SKAP2: variants seen among roughly 807,000 people sequenced by gnomAD.
The protein encoded by SKAP2 is src kinase associated phosphoprotein 2.
In SKAP2, 28 loss-of-function variants were observed where a neutral mutation model predicts 54.9. The observed-to-expected ratio is 0.51, with a 90% CI of 0.38 to 0.70. The LOEUF (loss-of-function observed/expected upper bound fraction) is 0.70, where lower values mean the gene tolerates loss of function less well. Ranked by LOEUF, SKAP2 falls within the 30% of genes least tolerant of loss-of-function variation. SKAP2 has a pLI of 0.00. For synonymous variants in SKAP2, 137 were observed against 134.3 expected (o/e 1.02, Z -0.14); for missense variants, 356 against 424.1 (o/e 0.84, Z 1.41).
chr7:26,780,041 C>T (rs1035236645), intron 4 of SKAP2, among the ~76,000 whole-genome samples: 4 of 151,986 alleles, frequency 2.6e-5, no homozygotes, highest in African/African-American at 4.8e-5. Context: ...ATAGAAAGTA[C>T]TTGTAAGGTA....
At chr7:26,676,613 A>G (rs1385922728) in intron 11 of SKAP2, among the ~76,000 whole-genome samples, 1 of 152,176 alleles carries the variant, frequency 6.6e-6, no homozygotes, top group African/African-American at 2.4e-5. Flanking sequence ...AGTCAGGATT[A>G]TTTCCTGTTG....
intron 4 of SKAP2, among the ~76,000 whole-genome samples, chr7:26,785,837 T>C (rs1463959102): frequency 3.3e-5 from 5 of 152,114 alleles, no homozygotes; most frequent in Admixed American, 2.6e-4. Flanking sequence ...GTTACCCCCA[T>C]GCCTATAGAC....
the SKAP2 span, among the ~76,000 whole-genome samples, chr7:26,655,700 G>C: frequency 6.6e-6 from 1 of 152,192 alleles, no homozygotes; most frequent in Non-Finnish European, 1.5e-5. Flanking sequence ...GTAATGCTGA[G>C]AAAGTGTCAG....
At chr7:26,771,823 T>C (rs908900377) in intron 4 of SKAP2, among the ~76,000 whole-genome samples, 1 of 152,218 alleles carries the variant, frequency 6.6e-6, no homozygotes, top group Non-Finnish European at 1.5e-5. Context: ...ATGCAGGTTA[T>C]TCTTTGAATA....
intron 11 of SKAP2, among the ~76,000 whole-genome samples, chr7:26,671,457 C>CT (rs1786236029): frequency 1.3e-5 from 2 of 151,920 alleles, no homozygotes. Context: ...TTATGCAATT[C>CT]TTTAATACAA....
At chr7:26,748,697 C>T (rs1233415615) in intron 4 of SKAP2, among the ~76,000 whole-genome samples, 1 of 151,980 alleles carries the variant, frequency 6.6e-6, no homozygotes, top group Admixed American at 6.6e-5. Flanking sequence ...AATACATTCT[C>T]CTTAAGTTAA....
At chr7:26,819,680 G>A (rs550141) in intron 4 of SKAP2, among the ~76,000 whole-genome samples, 116,224 of 152,088 alleles carry the variant, frequency 0.76, 44,714 homozygotes, top group East Asian at 0.95. Flanking sequence ...AATGCCTTCA[G>A]TTGTTAAAAG....
At chr7:26,656,219 T>G in the SKAP2 span, among the ~76,000 whole-genome samples, 6 of 152,324 alleles carry the variant, frequency 3.9e-5, no homozygotes, top group South Asian at 1.2e-3. Flanking sequence ...ACAATATGCA[T>G]GATAAGCTAA....
intron 4 of SKAP2, among the ~76,000 whole-genome samples, chr7:26,803,468 C>G (rs112053916): frequency 6.6e-6 from 1 of 152,296 alleles, no homozygotes; most frequent in African/African-American, 2.4e-5. Flanking sequence ...CAGGCAATAG[C>G]AAATGCTGAC....
chr7:26,829,539 T>C (rs977954932), intron 4 of SKAP2, among the ~76,000 whole-genome samples: 8 of 152,052 alleles, frequency 5.3e-5, no homozygotes, highest in African/African-American at 1.9e-4. Flanking sequence ...AGCAAGACTC[T>C]GGCTCAAAAC....
intron 9 of SKAP2, among the ~76,000 whole-genome samples, chr7:26,695,150 C>T (rs1367266086): frequency 1.3e-5 from 2 of 152,192 alleles, no homozygotes; most frequent in South Asian, 4.1e-4. Context: ...CTTTCACTTA[C>T]ATAATGATCA....
chr7:26,741,963 T>G lies in SKAP2; in HGVS notation c.308-1999A>C, dbSNP rs368435139. ...ACCCAGTAAACACCACACAGTATCA[T>G]TAAAACATATTTAAAATAGAGCCCT... is the stretch of plus-strand genomic sequence containing the variant. On this transcript the variant is annotated intron_variant, in intron 4 of 12. Transcript: ENST00000345317. 1.6e-3 allele frequency among the ~76,000 whole-genome samples: 248 copies of G among 152,250 alleles called. 1 individual carries two copies. Among genetic ancestry groups the G allele is most frequent in the African/African-American group, 5.8e-3 (239 of 41,562 alleles).
intron 6 of SKAP2, among the ~76,000 whole-genome samples, chr7:26,735,119 C>T (rs985420091): frequency 1.3e-5 from 2 of 152,162 alleles, no homozygotes; most frequent in Non-Finnish European, 1.5e-5. Flanking sequence ...ATCCTTCCCT[C>T]TCTCACTGAT....
chr7:26,839,051 C>T (rs1784767714), intron 4 of SKAP2, among the ~76,000 whole-genome samples: 1 of 151,984 alleles, frequency 6.6e-6, no homozygotes, highest in Non-Finnish European at 1.5e-5. Context: ...TTTACTTAAC[C>T]TTTGCAGTCT....
At chr7:26,711,429 T>C (rs1204984068) in intron 9 of SKAP2, among the ~76,000 whole-genome samples, 1 of 152,234 alleles carries the variant, frequency 6.6e-6, no homozygotes, top group African/African-American at 2.4e-5. Context: ...GTAGAGTTCA[T>C]CAGCGACTTT....
intron 9 of SKAP2, among the ~76,000 whole-genome samples, chr7:26,704,692 G>T (rs1787119525): frequency 6.6e-6 from 1 of 152,188 alleles, no homozygotes; most frequent in South Asian, 2.1e-4. Flanking sequence ...GAAAGGGGCT[G>T]CCAAAAGAAG....
intron 4 of SKAP2, among the ~76,000 whole-genome samples, chr7:26,824,535 G>A (rs1784448632): frequency 6.6e-6 from 1 of 151,500 alleles, no homozygotes; most frequent in Non-Finnish European, 1.5e-5. Flanking sequence ...TTTGTAACTT[G>A]GCCTATCAGT....
At chr7:26,782,387 T>C (rs1395396114) in intron 4 of SKAP2, among the ~76,000 whole-genome samples, 1 of 152,204 alleles carries the variant, frequency 6.6e-6, no homozygotes, top group East Asian at 1.9e-4. Flanking sequence ...TGGTTAAAAG[T>C]TTGTTTTTAC....
chr7:26,666,534 T>C (rs554816529), downstream of SKAP2, among the ~76,000 whole-genome samples: 31 of 152,168 alleles, frequency 2.0e-4, no homozygotes, highest in Non-Finnish European at 3.8e-4. Context: ...CAAGGCTATA[T>C]TCAAAGTGGT....
Sources: gnomAD v4.1 joint callset for allele counts (sites outside exome capture counted in the v4.1 genomes callset) on GRCh38, gnomAD v4.1.1 for gene constraint, MANE v1.5 for transcripts, NCBI Gene and HGNC (gene_info 2026-07-23, HGNC 2026-07-21) for gene names.